The following EPB41L1 variants were observed in gnomAD, a reference collection of about 807,000 sequenced individuals.
The protein encoded by EPB41L1 is band 4.1-like protein 1.
EPB41L1 carries 29 observed loss-of-function variants against 97.8 expected under a neutral mutation model. The ratio of observed to expected loss-of-function variants is 0.30; its 90% CI spans 0.22 to 0.40. The LOEUF (loss-of-function observed/expected upper bound fraction) is 0.40, where lower values mean the gene tolerates loss of function less well. Ranked by LOEUF, EPB41L1 falls within the 10% of genes least tolerant of loss-of-function variation. EPB41L1 has a pLI of 1.00. For synonymous variants in EPB41L1, 383 were observed against 459.2 expected (o/e 0.83, Z 2.12); for missense variants, 812 against 1,162.3 (o/e 0.70, Z 4.38).
Position 36,206,812 on chromosome 20 carries a change from A to AC in EPB41L1, c.1669-2671dup. On this transcript the variant is annotated intron_variant, in intron 14 of 21. Transcript: ENST00000338074. The surrounding 1 kb of genome is among the most constrained non-coding windows in gnomAD (Gnocchi z 5.5). ...AGCCAGCGCAGCCCGAGAGGAAGGG[A>AC]CCCCCGTGAGTGGAGATTTGCTGGG... The AC allele has an allele frequency of 7.8e-7, 1 of 1,289,702 alleles. No homozygotes were observed. Among genetic ancestry groups the AC allele is most frequent in the Non-Finnish European group, 1.0e-6 (1 of 988,832 alleles). The allele number at this position is 1,289,702 out of a possible 1,614,324, so 79.9% of individuals were successfully genotyped here.
rs894309737 is a variant in EPB41L1 at position 36,092,756 on chromosome 20, C to G, written c.-65+1144C>G. 6.6e-6 allele frequency: 1 copy of G among 152,410 alleles called. No homozygotes were observed. The highest frequency in any genetic ancestry group is 1.5e-5 in the Non-Finnish European group (1 of 68,020). The allele number at this position is 152,410 out of a possible 1,614,324, so 9.4% of individuals were successfully genotyped here. A position where few individuals can be genotyped will look rare whatever the true frequency, so the allele number is the denominator to read the frequency against. On this transcript the variant is annotated intron_variant, in intron 1 of 19. Coordinates refer to the EPB41L1 transcript ENST00000202028. The surrounding 1 kb of genome is among the most constrained non-coding windows in gnomAD (Gnocchi z 7.0). ...GCGCCTCGGAGCCCGCCGGGGCAGC[C>G]GCCGGACACCAGGACCGCGAGCCAG...
Position 36,126,790 on chromosome 20 carries a change from G to C in EPB41L1, c.-10+14310G>C, listed in dbSNP as rs564613343. 3.9e-5 allele frequency among the ~76,000 whole-genome samples: 6 copies of C among 152,348 alleles called. No individual in the cohort carries two copies. In the East Asian group the frequency reaches 1.2e-3, roughly 29 times the overall value. On this transcript the variant is annotated intron_variant, in intron 2 of 19. Transcript: ENST00000202028. Reference sequence around the variant, plus strand: ...TTATTTTCTTGATTGGTGTGGACTGGAAGCTCACATTCCAGAGAAACTTAG... The same window carrying C: ...TTATTTTCTTGATTGGTGTGGACTGCAAGCTCACATTCCAGAGAAACTTAG...
intron 17 of EPB41L1, among the ~76,000 whole-genome samples, chr20:36,216,739 G>A (rs1050302763): frequency 1.3e-5 from 2 of 152,184 alleles, no homozygotes; most frequent in African/African-American, 4.8e-5. Flanking sequence ...CATGCCACTG[G>A]GAGAGACAGA....
intron 21 of EPB41L1, among the ~76,000 whole-genome samples, chr20:36,228,433 G>T (rs111977764): frequency 6.6e-6 from 1 of 152,298 alleles, no homozygotes; most frequent in African/African-American, 2.4e-5. Context: ...AGGCACTGTG[G>T]CGTGCACCTG....
chr20:36,093,325 G>T lies in EPB41L1; in HGVS notation c.-65+1713G>T, dbSNP rs2057718723. On this transcript the variant is annotated intron_variant, in intron 1 of 19. Transcript: ENST00000202028. The surrounding 1 kb of genome is among the most constrained non-coding windows in gnomAD (Gnocchi z 5.4). ...GCTGCAGCCTGTGGCGGGTGTGGGT[G>T]TGTGTGTGCGCGCGCGTCGCTGTGT... 6.7e-6 allele frequency among the ~76,000 whole-genome samples: 1 copy of T among 150,102 alleles called. No homozygotes were observed. The highest frequency in any genetic ancestry group is 2.1e-4 in the South Asian group (1 of 4,748).
At chr20:36,105,678 A>C (rs889691788) in intron 1 of EPB41L1, among the ~76,000 whole-genome samples, 2 of 152,156 alleles carry the variant, frequency 1.3e-5, no homozygotes, top group Admixed American at 1.3e-4. Flanking sequence ...CTCTCCCTTT[A>C]CATGAGCCCC....
In EPB41L1 at chr20:36,212,394, A is replaced by G. The variant is rs2063183936; in HGVS notation, c.2184+18A>G. ...ACACCCAGGTAACTTGTGCCTTCCAATGTACCCTAAGCATGGGTATTGGGC... is the reference window on the plus strand; with the variant it reads ...ACACCCAGGTAACTTGTGCCTTCCAGTGTACCCTAAGCATGGGTATTGGGC... On this transcript the variant is annotated intron_variant, in intron 16 of 21. Coordinates refer to ENST00000338074, the MANE Select transcript of EPB41L1 (RefSeq NM_012156.2). The surrounding 1 kb of genome is among the most constrained non-coding windows in gnomAD (Gnocchi z 4.8). 1.2e-6 allele frequency: 2 copies of G among 1,608,158 alleles called. No homozygotes were observed. The highest frequency in any genetic ancestry group is 1.7e-6 in the Non-Finnish European group (2 of 1,174,690).
intron 21 of EPB41L1, among the ~76,000 whole-genome samples, chr20:36,224,810 C>G (rs2064010468): frequency 1.3e-5 from 2 of 151,850 alleles, no homozygotes; most frequent in Admixed American, 1.3e-4. Flanking sequence ...TCTAGAAAAT[C>G]TATTATCTAG....
chr20:36,096,637 C>G (rs1379531438), intron 1 of EPB41L1, among the ~76,000 whole-genome samples: 1 of 152,204 alleles, frequency 6.6e-6, no homozygotes, highest in Non-Finnish European at 1.5e-5. Context: ...GGGCCTTTGC[C>G]AACTCTCTAG....
At chr20:36,138,262 CT>C (rs34787525) in intron 2 of EPB41L1, among the ~76,000 whole-genome samples, 7,601 of 131,754 alleles carry the variant, frequency 0.058, 477 homozygotes, top group African/African-American at 0.19. Context: ...ATGGTTAGCA[CT>C]TTTTTTTTTT....
intron 1 of EPB41L1, among the ~76,000 whole-genome samples, chr20:36,106,523 A>AG (rs1224088447): frequency 6.6e-6 from 1 of 152,172 alleles, no homozygotes; most frequent in African/African-American, 2.4e-5. Context: ...GGGAGGTTTG[A>AG]GGGGTCAGTG....
In EPB41L1 at chr20:36,178,102, T is replaced by C. The variant is rs1226319218; in HGVS notation, c.447+46T>C. 5.7e-6 allele frequency: 8 copies of C among 1,407,946 alleles called. 1 individual carries two copies. In the South Asian group the frequency reaches 7.0e-5, roughly 12 times the overall value. The allele number at this position is 1,407,946 out of a possible 1,614,324, so 87.2% of individuals were successfully genotyped here. A position where few individuals can be genotyped will look rare whatever the true frequency, so the allele number is the denominator to read the frequency against. Reference sequence around the variant, plus strand: ...GGTGGGACCTGCTCTTCCGTTAGGCTCCTGTAATCCTGGCCACCCCCAACA... The same window carrying C: ...GGTGGGACCTGCTCTTCCGTTAGGCCCCTGTAATCCTGGCCACCCCCAACA... On this transcript the variant is annotated intron_variant, in intron 4 of 21. Coordinates refer to ENST00000338074, the MANE Select transcript of EPB41L1 (RefSeq NM_012156.2).
At chr20:36,123,437 T>TTTTG (rs139752573) in intron 2 of EPB41L1, among the ~76,000 whole-genome samples, 8,913 of 152,204 alleles carry the variant, frequency 0.059, 376 homozygotes, top group African/African-American at 0.12. Flanking sequence ...GTTCTGGTTT[T>TTTTG]TTTGTTTGTT....
intron 9 of EPB41L1, among the ~76,000 whole-genome samples, chr20:36,189,463 C>T (rs764193204): frequency 3.3e-5 from 5 of 152,324 alleles, no homozygotes; most frequent in South Asian, 4.1e-4. Flanking sequence ...TTAGCCTCTT[C>T]GGCCTTGAGA....
chr20:36,209,939 C>T lies in EPB41L1; in HGVS notation c.2079+41C>T, dbSNP rs553677817. 55 of 1,605,910 alleles carry T rather than the reference C, an allele frequency of 3.4e-5. No individual in the cohort carries two copies. The highest frequency in any genetic ancestry group is 4.0e-5 in the Non-Finnish European group (47 of 1,176,924). Reference sequence around the variant, plus strand: ...CTCAAGAGCCAGGCCCGCTGGGCACCGCATGCTCAGAGGGCCCTGGGCCAC... The same window carrying T: ...CTCAAGAGCCAGGCCCGCTGGGCACTGCATGCTCAGAGGGCCCTGGGCCAC... On this transcript the variant is annotated intron_variant, in intron 15 of 21. Transcript: ENST00000338074. This position sits in a 1 kb window ranked among gnomAD's most constrained non-coding sequence, Gnocchi z 4.2.
At chr20:36,189,491 C>G (rs1252094549) in intron 9 of EPB41L1, among the ~76,000 whole-genome samples, 4 of 152,188 alleles carry the variant, frequency 2.6e-5, no homozygotes, top group African/African-American at 9.7e-5. Flanking sequence ...ATAAGTCGAG[C>G]TCTTTCCTGC....
chr20:36,185,306 G>A lies in EPB41L1; in HGVS notation c.756G>A (p.Glu252=). Residue 252 remains glutamate, a synonymous_variant, in exon 7 of 22, where the codon GAG becomes GAA. Coordinates refer to ENST00000338074, the MANE Select transcript of EPB41L1 (RefSeq NM_012156.2). ...CTAACCAGACCCGGGAGCTGGAGGA[G>A]AGGATCATGGAGCTGCATAAGACAT... ...FAPNQTRELE[E]RIMELHKTYR... 1 of 1,613,414 alleles carries A rather than the reference G, an allele frequency of 6.2e-7. No homozygotes were observed. Among genetic ancestry groups the A allele is most frequent in the Non-Finnish European group, 8.5e-7 (1 of 1,180,046 alleles).
At position 36,185,140 on chromosome 20, in the gene EPB41L1, G is replaced by A. The variant is rs1269343263; in HGVS notation, c.590G>A (p.Arg197Gln). ...AGATACTACCTGTGCCTGCAGCTGCGGGCAGACATCATCACGGGCCGGCTG... is the reference window on the plus strand; with the variant it reads ...AGATACTACCTGTGCCTGCAGCTGCAGGCAGACATCATCACGGGCCGGCTG... ...ITRYYLCLQL[R>Q]ADIITGRLPC... Residue 197 changes from arginine (R) to glutamine (Q), a missense_variant, in exon 7 of 22, where the codon CGG becomes CAG. Coordinates refer to ENST00000338074, the MANE Select transcript of EPB41L1 (RefSeq NM_012156.2). 2.5e-6 allele frequency: 4 copies of A among 1,612,512 alleles called. No homozygotes were observed. Among genetic ancestry groups the A allele is most frequent in the East Asian group, 4.5e-5 (2 of 44,880 alleles).
rs2062160397 is a variant in EPB41L1 at position 36,195,615 on chromosome 20, C to T, written c.1485+251C>T. ...TCTCTCCCTCCTCCCTCAGCCCTCC[C>T]ACCCTCTCCCCAGCTCACCCGGTCC... On this transcript the variant is annotated intron_variant, in intron 13 of 21. Coordinates refer to ENST00000338074, the MANE Select transcript of EPB41L1 (RefSeq NM_012156.2). This position sits in a 1 kb window ranked among gnomAD's most constrained non-coding sequence, Gnocchi z 4.6. 6.6e-6 allele frequency among the ~76,000 whole-genome samples: 1 copy of T among 152,176 alleles called. No individual in the cohort carries two copies. The highest frequency in any genetic ancestry group is 2.4e-5 in the African/African-American group (1 of 41,438).
Sources: gnomAD v4.1 joint callset for allele counts (sites outside exome capture counted in the v4.1 genomes callset) on GRCh38, gnomAD v4.1.1 for gene constraint, Gnocchi (gnomAD v3.1) non-coding constraint, MANE v1.5 for transcripts, NCBI Gene and HGNC (gene_info 2026-07-23, HGNC 2026-07-21) for gene names.